The following TJP3 variants were observed in gnomAD, a reference collection of about 807,000 sequenced individuals.
TJP3 encodes the protein tight junction protein ZO-3.
A neutral mutation model predicts 104.2 loss-of-function variants in TJP3; 85 were observed. The ratio of observed to expected loss-of-function variants is 0.82; its 90% confidence interval spans 0.68 to 0.98. The LOEUF (loss-of-function observed/expected upper bound fraction) is 0.98. Among genes scored for constraint, TJP3 ranks in the 50% least tolerant of loss-of-function variants. The pLI is 0.00. For synonymous variants in TJP3, 550 were observed against 550.6 expected (o/e 1.00, Z 0.02); for missense variants, 1,367 against 1,322.8 (o/e 1.03, Z -0.52).
chr19:3,739,567 T>C (rs2036785226), intron 13 of TJP3, among the ~76,000 whole-genome samples: 1 of 152,206 alleles, frequency 6.6e-6, no homozygotes, highest in East Asian at 1.9e-4. Flanking sequence ...CAAAAGGCTC[T>C]GGGCGGGCCC....
At chr19:3,719,943 G>C (rs991876373) in intron 1 of TJP3, among the ~76,000 whole-genome samples, 1 of 152,056 alleles carries the variant, frequency 6.6e-6, no homozygotes, top group Non-Finnish European at 1.5e-5. Context: ...ATTGGGTCTC[G>C]CTATATTGCC....
In TJP3 at chr19:3,748,090, G is replaced by C; in HGVS notation, c.2610+9G>C. 1.3e-6 allele frequency: 2 copies of C among 1,544,816 alleles called. No homozygotes were observed. The highest frequency in any genetic ancestry group is 2.4e-5 in the South Asian group (2 of 82,746). ...CTCATCAGGGGGCCCAGGTGCGTCG[G>C]ACATGGGGGGCAGGCCTGGGAAGGG... is the stretch of plus-strand genomic sequence containing the variant. On this transcript the variant is annotated intron_variant, in intron 19 of 20. Transcript: ENST00000541714.
At chr19:3,732,748 A>T (rs1312064974) in intron 6 of TJP3, among the ~76,000 whole-genome samples, 1 of 151,962 alleles carries the variant, frequency 6.6e-6, no homozygotes, top group Non-Finnish European at 1.5e-5. Context: ...ACCTCAGGTG[A>T]TCCCCCCCGC....
At chr19:3,744,724 C>G (rs886565471) in intron 15 of TJP3, among the ~76,000 whole-genome samples, 1 of 150,872 alleles carries the variant, frequency 6.6e-6, no homozygotes, top group Non-Finnish European at 1.5e-5. Flanking sequence ...GTCAGGAGTT[C>G]GAGACCAGCC....
chr19:3,713,533 G>GGCCTGCGGAGAGACGTGA (rs1388036976), intron 1 of TJP3, among the ~76,000 whole-genome samples: 1 of 152,176 alleles, frequency 6.6e-6, no homozygotes, highest in Non-Finnish European at 1.5e-5. Context: ...GGCGGCAAAG[G>GGCCTGCGGAGAGACGTGA]GCCTGCGGAG....
chr19:3,747,968 GTGGA>G lies in TJP3; in HGVS notation c.2500_2503del (p.Asp834MetfsTer59). The stretch of plus-strand genomic sequence containing the variant: ...CGGCGAGGGGGGGCCCTACACGGAT[GTGGA>G]TGATGAGCCCCCGGCTCCAGCCCTG... On this transcript the variant is annotated frameshift_variant, in exon 19 of 21. Coordinates refer to ENST00000541714, the MANE Select transcript of TJP3 (RefSeq NM_001267560.2). LOFTEE classifies it high-confidence loss of function. 6.2e-7 allele frequency: 1 copy of G among 1,612,892 alleles called. No individual in the cohort carries two copies.
Position 3,746,405 on chromosome 19 carries a change from A to C in TJP3, c.2011-80A>C. On this transcript the variant is annotated intron_variant, in intron 16 of 20. Coordinates refer to ENST00000541714, the MANE Select transcript of TJP3 (RefSeq NM_001267560.2). This position sits in a 1 kb window ranked among gnomAD's most constrained non-coding sequence, Gnocchi z 4.1. Reference sequence around the variant, plus strand: ...AGGCTGGGGTCCACTCTGACCTCAGACTCTTCATCTTTCTATCTTTCTCTC... The same window carrying C: ...AGGCTGGGGTCCACTCTGACCTCAGCCTCTTCATCTTTCTATCTTTCTCTC... 6 of 1,433,486 alleles carry C rather than the reference A, an allele frequency of 4.2e-6. No homozygotes were observed. Among genetic ancestry groups the C allele is most frequent in the Non-Finnish European group, 4.8e-6 (5 of 1,033,654 alleles). 88.8% of individuals were successfully genotyped at this position (1,433,486 alleles called of 1,614,324 possible). A position where few individuals can be genotyped will look rare whatever the true frequency, so the allele number is the denominator to read the frequency against.
At position 3,736,160 on chromosome 19, in the gene TJP3, T is replaced by G. The variant is rs758697364; in HGVS notation, c.1128-5T>G. The G allele has an allele frequency of 7.6e-6, 12 of 1,581,322 alleles. No homozygotes were observed. Among genetic ancestry groups the G allele is most frequent in the Non-Finnish European group, 8.6e-7 (1 of 1,163,448 alleles). Reference sequence around the variant, plus strand: ...CTCTGACCCCATCTCTGCCTCCCCTTGCAGGTACAGCCCCGACACGCGTGT... The same window carrying G: ...CTCTGACCCCATCTCTGCCTCCCCTGGCAGGTACAGCCCCGACACGCGTGT... On this transcript the variant is annotated splice_region_variant and splice_polypyrimidine_tract_variant and intron_variant, in intron 10 of 20. Transcript: ENST00000541714.
At chr19:3,711,795 C>T (rs1028826655) in intron 1 of TJP3, among the ~76,000 whole-genome samples, 3 of 149,858 alleles carry the variant, frequency 2.0e-5, no homozygotes, top group South Asian at 4.3e-4. Context: ...ATATGGGAAC[C>T]GGTAAGACTT....
intron 5 of TJP3, 146 bp from the exon 6 acceptor site, chr19:3,731,789 C>T (rs1180859235): frequency 1.7e-6 from 1 of 584,398 alleles, no homozygotes. Flanking sequence ...GATCTCGGGT[C>T]CTACGGGCGA....
At position 3,746,682 on chromosome 19, in the gene TJP3, CCA is replaced by C. The variant is rs909939235; in HGVS notation, c.2210_2211del (p.His737ProfsTer13). The C allele has an allele frequency of 1.2e-6, 2 of 1,611,824 alleles. No homozygotes were observed. Among genetic ancestry groups the C allele is most frequent in the African/African-American group, 2.7e-5 (2 of 74,918 alleles). The part of the protein sequence containing the change: ...QAQKLRKHSS[H>X]LFTATIPLNG... Reference sequence around the variant, plus strand: ...CCCAGAAGCTGCGAAAACACAGCAGCCACCTCTTCACAGGTTGGGGGGTGGGT... The same window carrying C: ...CCCAGAAGCTGCGAAAACACAGCAGCCCTCTTCACAGGTTGGGGGGTGGGT... On this transcript the variant is annotated frameshift_variant, in exon 17 of 21. Coordinates refer to ENST00000541714, the MANE Select transcript of TJP3 (RefSeq NM_001267560.2). LOFTEE classifies it high-confidence loss of function. This position sits in a 1 kb window ranked among gnomAD's most constrained non-coding sequence, Gnocchi z 4.1.
intron 1 of TJP3, among the ~76,000 whole-genome samples, chr19:3,716,197 C>T (rs565959162): frequency 1.2e-4 from 18 of 148,168 alleles, no homozygotes; most frequent in Admixed American, 8.9e-4. Context: ...CTCAGCCTCC[C>T]GAGTAGCAGG....
chr19:3,731,793 C>G (rs959578581), intron 5 of TJP3, 142 bp from the exon 6 acceptor site: 1 of 598,306 alleles, frequency 1.7e-6, no homozygotes, highest in East Asian at 2.9e-5. Context: ...TCGGGTCCTA[C>G]GGGCGACATC....
chr19:3,722,858 G>GT (rs1568379664), intron 1 of TJP3, among the ~76,000 whole-genome samples: 15 of 127,644 alleles, frequency 1.2e-4, no homozygotes, highest in Non-Finnish European at 2.0e-4. Flanking sequence ...TGGGGTGGCG[G>GT]GGGGGGGGGG....
intron 19 of TJP3, among the ~76,000 whole-genome samples, chr19:3,749,338 A>T (rs1263333146): frequency 6.6e-6 from 1 of 151,404 alleles, no homozygotes; most frequent in Non-Finnish European, 1.5e-5. Context: ...TAATTTATAT[A>T]TTTTATTTTT....
At chr19:3,718,353 G>C (rs2036509454) in intron 1 of TJP3, among the ~76,000 whole-genome samples, 1 of 150,868 alleles carries the variant, frequency 6.6e-6, no homozygotes, top group African/African-American at 2.4e-5. Context: ...AAAGTGCTGG[G>C]ACTACAAGCG....
chr19:3,717,919 A>T (rs1391378161), intron 1 of TJP3, among the ~76,000 whole-genome samples: 1 of 6,916 alleles, frequency 1.4e-4, no homozygotes, highest in Non-Finnish European at 2.0e-4. Context: ...CTGGCTAATT[A>T]AAAAAAAAAA....
chr19:3,734,816 TG>T (rs1275006997), intron 8 of TJP3, among the ~76,000 whole-genome samples: 1 of 152,148 alleles, frequency 6.6e-6, no homozygotes, highest in Non-Finnish European at 1.5e-5. Context: ...TAGCCCGGCG[TG>T]GTGCCGGGTG....
intron 1 of TJP3, among the ~76,000 whole-genome samples, chr19:3,709,829 G>A (rs150327392): frequency 1.9e-3 from 295 of 152,120 alleles, no homozygotes; most frequent in African/African-American, 6.7e-3. Context: ...CCTTCTCTCC[G>A]GGCCTCTGTT....
Sources: gnomAD v4.1 joint callset for allele counts (sites outside exome capture counted in the v4.1 genomes callset) on GRCh38, gnomAD v4.1.1 for gene constraint, Gnocchi (gnomAD v3.1) non-coding constraint, MANE v1.5 for transcripts, NCBI Gene and HGNC (gene_info 2026-07-23, HGNC 2026-07-21) for gene names.